The following SLC10A1 variants were observed in gnomAD, a reference collection of about 807,000 sequenced individuals.
The protein encoded by SLC10A1 is solute carrier family 10 member 1, also known as hepatic sodium/bile acid cotransporter.
In SLC10A1, 36 loss-of-function variants were observed where a neutral mutation model predicts 20.5. The ratio of observed to expected loss-of-function variants is 1.75; its 90% CI spans 1.34 to 2.32. The LOEUF (loss-of-function observed/expected upper bound fraction) is 2.32. Among genes scored for constraint, SLC10A1 ranks in the 30% most tolerant of loss-of-function variants. The pLI, the probability that SLC10A1 is intolerant of heterozygous loss-of-function variation, is 0.00. For missense variants in SLC10A1, 545 were observed against 439.1 expected, an observed-to-expected ratio of 1.24 and a Z score of -2.16; for synonymous variants, 188 against 163.6, an observed-to-expected ratio of 1.15 and a Z score of -1.14.
At chr14:69,796,705 C>T (rs1262905801) in intron 1 of SLC10A1, 95 bp downstream of exon 1, 2 of 1,062,636 alleles carry the variant, frequency 1.9e-6, no homozygotes, top group Non-Finnish European at 2.7e-6. Flanking sequence ...TGCATTCACT[C>T]CTTTTCCTGG....
At position 69,776,271 on chromosome 14, in the gene SLC10A1, C is replaced by A. The variant is rs202036783; in HGVS notation, c.*11G>T. 1.9e-6 allele frequency: 3 copies of A among 1,605,308 alleles called. No homozygotes were observed. The highest frequency in any genetic ancestry group is 2.6e-6 in the Non-Finnish European group (3 of 1,175,026). The stretch of plus-strand genomic sequence containing the variant: ...GCTTTGGGACCAGAATCCAGGCCAC[C>A]AGGGGAAGGGCTAGGCTGTGCAAGG... On this transcript the variant is annotated 3_prime_UTR_variant, in exon 5 of 5. Coordinates refer to ENST00000216540, the MANE Select transcript of SLC10A1 (RefSeq NM_003049.4).
At position 69,796,995 on chromosome 14, in the gene SLC10A1, T is replaced by C. The variant is rs200506455; in HGVS notation, c.161A>G (p.His54Arg). ...GGCCAGCCCTTTAGGCTTCCATAAG[T>C]GAGCCTTGATCTTGCTGAACTCCAT... ...CTMEFSKIKA[H>R]LWKPKGLAIA... The change falls in exon 1 of 5, where the codon CAC (histidine) becomes CGC (arginine). Residue 54 changes from histidine (H) to arginine (R), a missense_variant. His to Arg is a conservative substitution (Grantham distance 29). Transcript: ENST00000216540. The C allele has an allele frequency of 2.8e-5, 45 of 1,614,122 alleles. No homozygotes were observed. The highest frequency in any genetic ancestry group is 3.8e-5 in the Non-Finnish European group (45 of 1,180,050).
chr14:69,778,422 A>G lies in SLC10A1; in HGVS notation c.854T>C (p.Phe285Ser), dbSNP rs199689913. Reference protein sequence around the residue: ...PPEVIGPLFFFPLLYMIFQLG... With the variant: ...PPEVIGPLFFSPLLYMIFQLG... ...CTGGAAAATCATGTAGAGGAGGGGA[A>G]AGAAGAAAAGTGGTCCAATGACTTC... is the stretch of plus-strand genomic sequence containing the variant. The change falls in exon 4 of 5, where the codon TTT becomes TCT. Residue 285 changes from phenylalanine (F) to serine (S), a missense_variant. Coordinates refer to ENST00000216540, the MANE Select transcript of SLC10A1 (RefSeq NM_003049.4). 2 of 1,614,080 alleles carry G rather than the reference A, an allele frequency of 1.2e-6. No individual in the cohort carries two copies. Among genetic ancestry groups the G allele is most frequent in the South Asian group, 1.1e-5 (1 of 91,068 alleles).
chr14:69,781,501 A>C (rs1438704954), intron 2 of SLC10A1, among the ~76,000 whole-genome samples: 1 of 152,258 alleles, frequency 6.6e-6, no homozygotes, highest in African/African-American at 2.4e-5. Context: ...GCAGGATTAC[A>C]GAGAGGGAAG....
intron 2 of SLC10A1, among the ~76,000 whole-genome samples, chr14:69,780,307 G>T (rs1883560776): frequency 6.6e-6 from 1 of 152,232 alleles, no homozygotes; most frequent in East Asian, 1.9e-4. Flanking sequence ...GCATTTTAGA[G>T]AATTGCGTCC....
In SLC10A1 at chr14:69,781,674, A is replaced by G. The variant is rs753217659; in HGVS notation, c.568-2314T>C. Among the ~76,000 whole-genome samples the G allele has an allele frequency of 3.9e-5, 6 of 152,346 alleles. No homozygotes were observed. In the East Asian group the frequency reaches 5.8e-4, roughly 15 times the overall value. On this transcript the variant is annotated intron_variant, in intron 2 of 4. Coordinates refer to ENST00000216540, the MANE Select transcript of SLC10A1 (RefSeq NM_003049.4). Reference sequence around the variant, plus strand: ...TCAATGAAATGGTGGGATCCTTATTAAAGAGTGGTGGATGGCTTATGGTGA... The same window carrying G: ...TCAATGAAATGGTGGGATCCTTATTGAAGAGTGGTGGATGGCTTATGGTGA...
intron 4 of SLC10A1, among the ~76,000 whole-genome samples, chr14:69,777,606 A>T (rs10552157): frequency 0.77 from 58,442 of 75,694 alleles, 21,198 homozygotes; most frequent in Middle Eastern, 0.84. Context: ...TTTTTTTTTT[A>T]AAATTGGTGT....
chr14:69,794,900 A>G (rs765789349), intron 1 of SLC10A1, among the ~76,000 whole-genome samples: 1 of 152,204 alleles, frequency 6.6e-6, no homozygotes, highest in Non-Finnish European at 1.5e-5. Flanking sequence ...AGCCACAGCA[A>G]TGTAGGCATT....
Position 69,775,547 on chromosome 14 carries a change from C to T in SLC10A1, c.*735G>A, listed in dbSNP as rs1435785248. On this transcript the variant is annotated 3_prime_UTR_variant, in exon 5 of 5. Coordinates refer to ENST00000216540, the MANE Select transcript of SLC10A1 (RefSeq NM_003049.4). ...TTTGCTGTACCCAGTTTTGGGGGCG[C>T]CTTGTGTTAAAACCAAATACCTACT... 2 of 152,034 alleles carry T rather than the reference C, an allele frequency of 1.3e-5. No homozygotes were observed. Among genetic ancestry groups the T allele is most frequent in the Admixed American group, 1.3e-4 (2 of 15,258 alleles). 9.4% of individuals were successfully genotyped at this position (152,034 alleles called of 1,614,324 possible).
intron 1 of SLC10A1, among the ~76,000 whole-genome samples, chr14:69,793,216 A>G (rs970821880): frequency 2.0e-5 from 3 of 152,144 alleles, no homozygotes; most frequent in African/African-American, 4.8e-5. Flanking sequence ...TGCAGGAGCC[A>G]TGTTCCCTGA....
chr14:69,781,262 C>T (rs1214595992), intron 2 of SLC10A1, among the ~76,000 whole-genome samples: 1 of 152,236 alleles, frequency 6.6e-6, no homozygotes, highest in South Asian at 2.1e-4. Flanking sequence ...TCTACAACCC[C>T]TGTCTCCTGC....
intron 4 of SLC10A1, 85 bp from the exon 5 acceptor site, chr14:69,776,473 A>G: frequency 9.6e-7 from 1 of 1,039,346 alleles, no homozygotes; most frequent in South Asian, 1.4e-5. Context: ...AAGTACAAAA[A>G]TACCAACTCA....
At chr14:69,785,624 T>TC (rs1883693187) in intron 2 of SLC10A1, among the ~76,000 whole-genome samples, 1 of 148,934 alleles carries the variant, frequency 6.7e-6, no homozygotes, top group African/African-American at 2.5e-5. Context: ...AGAGATGGAG[T>TC]CTTGCTCTGT....
chr14:69,782,441 G>A (rs181315502), intron 2 of SLC10A1, among the ~76,000 whole-genome samples: 5 of 152,206 alleles, frequency 3.3e-5, no homozygotes, highest in Admixed American at 2.6e-4. Context: ...TCCGGGCCTC[G>A]GTTACTCTAT....
At chr14:69,777,186 CT>C (rs1324431912) in intron 4 of SLC10A1, among the ~76,000 whole-genome samples, 3 of 152,184 alleles carry the variant, frequency 2.0e-5, no homozygotes, top group African/African-American at 4.8e-5. Context: ...CAGCAAATCT[CT>C]TGCGTTCCTC....
intron 2 of SLC10A1, among the ~76,000 whole-genome samples, chr14:69,782,827 G>A (rs1309103690): frequency 2.7e-5 from 4 of 149,838 alleles, no homozygotes; most frequent in Non-Finnish European, 5.9e-5. Flanking sequence ...AAAAAAAAAG[G>A]GTCTGAGATT....
chr14:69,788,479 A>G (rs1355863592), intron 1 of SLC10A1, among the ~76,000 whole-genome samples: 1 of 152,122 alleles, frequency 6.6e-6, no homozygotes, highest in East Asian at 1.9e-4. Context: ...CAACAAGAGA[A>G]TGGGAGGAAA....
chr14:69,776,694 G>T (rs888818621), intron 4 of SLC10A1, among the ~76,000 whole-genome samples: 3 of 152,218 alleles, frequency 2.0e-5, no homozygotes, highest in Non-Finnish European at 4.4e-5. Context: ...CAAGGTCTGT[G>T]TTGCATTCAG....
At chr14:69,780,634 CT>C (rs2139712293) in intron 2 of SLC10A1, among the ~76,000 whole-genome samples, 1 of 152,304 alleles carries the variant, frequency 6.6e-6, no homozygotes, top group African/African-American at 2.4e-5. Context: ...CTTTGTGTTT[CT>C]GTTTTTAATA....
Sources: allele counts gnomAD v4.1 joint callset (sites outside exome capture counted in the v4.1 genomes callset), GRCh38; gene constraint gnomAD v4.1.1; transcripts MANE v1.5; gene names NCBI Gene and HGNC (gene_info 2026-07-23, HGNC 2026-07-21).